WDR59: variants seen among roughly 807,000 people sequenced by gnomAD.
The protein encoded by WDR59 is GATOR2 complex protein WDR59.
Under a neutral mutation model 131.2 loss-of-function variants are expected in WDR59, and 100 were observed. That is an observed-to-expected ratio of 0.76 (90% CI 0.65 to 0.90). WDR59 has a LOEUF of 0.90. Ranked by LOEUF, WDR59 falls within the 40% of genes least tolerant of loss-of-function variation. WDR59 has a pLI of 0.00. For synonymous variants in WDR59, 601 were observed against 466.2 expected (o/e 1.29, Z -3.72); for missense variants, 1,203 against 1,262.2 (o/e 0.95, Z 0.71).
chr16:74,967,031 T>A (rs1013389205), intron 1 of WDR59, among the ~76,000 whole-genome samples: 5 of 152,162 alleles, frequency 3.3e-5, no homozygotes, highest in Admixed American at 3.3e-4. Context: ...TGCTCTAAGT[T>A]CTCTCCAAGA....
intron 20 of WDR59, among the ~76,000 whole-genome samples, chr16:74,891,665 G>T (rs551463395): frequency 2.6e-5 from 4 of 152,358 alleles, no homozygotes; most frequent in African/African-American, 7.2e-5. Flanking sequence ...GCTCACGCCT[G>T]TAATCCCAAC....
chr16:74,887,520 A>G (rs746381544), intron 23 of WDR59, among the ~76,000 whole-genome samples, 163 bp downstream of exon 23: 47 of 152,348 alleles, frequency 3.1e-4, no homozygotes, highest in Non-Finnish European at 5.3e-4. Flanking sequence ...TCTGTTCAAC[A>G]TGCAAAGTCA....
In WDR59 at chr16:74,873,669, A is replaced by G. The variant is rs1964064787; in HGVS notation, c.*540T>C. On this transcript the variant is annotated 3_prime_UTR_variant, in exon 26 of 26. Coordinates refer to ENST00000262144, the MANE Select transcript of WDR59 (RefSeq NM_030581.4). Reference sequence around the variant, plus strand: ...AGAAATAACAAAAAAATACATCTTAAGAATCCTTAAGTACAGTGCATATTT... The same window carrying G: ...AGAAATAACAAAAAAATACATCTTAGGAATCCTTAAGTACAGTGCATATTT... 6.6e-6 allele frequency: 1 copy of G among 152,116 alleles called. No individual in the cohort carries two copies. Among genetic ancestry groups the G allele is most frequent in the African/African-American group, 2.4e-5 (1 of 41,406 alleles). The allele number at this position is 152,116 out of a possible 1,614,324, so 9.4% of individuals were successfully genotyped here.
intron 2 of WDR59, among the ~76,000 whole-genome samples, chr16:74,961,121 C>T (rs1014722286): frequency 6.7e-6 from 1 of 149,400 alleles, no homozygotes; most frequent in African/African-American, 2.5e-5. Flanking sequence ...GCCTAGGCAA[C>T]ACAGGGAGAC....
At chr16:74,956,922 G>A (rs988974216) in intron 2 of WDR59, among the ~76,000 whole-genome samples, 5 of 151,832 alleles carry the variant, frequency 3.3e-5, no homozygotes, top group African/African-American at 1.2e-4. Flanking sequence ...CCCCAGCTAG[G>A]GTTAATTACT....
At position 74,873,113 on chromosome 16, in the gene WDR59, T is replaced by C. The variant is rs1964042318; in HGVS notation, c.*1096A>G. The C allele has an allele frequency of 6.6e-6, 1 of 151,706 alleles. No individual in the cohort carries two copies. Among genetic ancestry groups the C allele is most frequent in the Non-Finnish European group, 1.5e-5 (1 of 67,994 alleles). The allele number at this position is 151,706 out of a possible 1,614,324, so 9.4% of individuals were successfully genotyped here. A position where few individuals can be genotyped will look rare whatever the true frequency, so the allele number is the denominator to read the frequency against. On this transcript the variant is annotated 3_prime_UTR_variant, in exon 26 of 26. Coordinates refer to ENST00000262144, the MANE Select transcript of WDR59 (RefSeq NM_030581.4). ...TTAGTAGAGATGGGGTTTCACCATG[T>C]TGGCCAGGCTAGTCTCGAACTCCTG... is the stretch of plus-strand genomic sequence containing the variant.
intron 4 of WDR59, among the ~76,000 whole-genome samples, chr16:74,950,992 C>CA (rs528212034): frequency 0.033 from 2,461 of 75,262 alleles, 54 homozygotes; most frequent in African/African-American, 0.1. Flanking sequence ...CCTGTCTCCA[C>CA]AAAAAAAAAA....
At chr16:74,943,738 A>AT (rs1337156034) in intron 6 of WDR59, among the ~76,000 whole-genome samples, 4 of 152,186 alleles carry the variant, frequency 2.6e-5, no homozygotes, top group African/African-American at 9.7e-5. Flanking sequence ...GAGGAAGCCC[A>AT]TAGTAGATCC....
At chr16:74,925,297 A>G (rs918984686) in intron 8 of WDR59, among the ~76,000 whole-genome samples, 1 of 152,190 alleles carries the variant, frequency 6.6e-6, no homozygotes, top group Non-Finnish European at 1.5e-5. Context: ...GCACTTTGGG[A>G]GGCCAAGGCA....
intron 10 of WDR59, among the ~76,000 whole-genome samples, chr16:74,919,284 A>G (rs1201109807): frequency 6.7e-6 from 1 of 149,814 alleles, no homozygotes; most frequent in South Asian, 2.1e-4. Context: ...ATGCCACCCT[A>G]TGATCTGGCT....
At chr16:74,923,808 C>T (rs2030498547) in intron 9 of WDR59, 118 bp downstream of exon 9, 4 of 934,422 alleles carry the variant, frequency 4.3e-6, no homozygotes, top group African/African-American at 1.7e-5. Flanking sequence ...CACCACTAAA[C>T]CAACAGAGAA....
At chr16:74,885,966 C>T in intron 24 of WDR59, 171 bp from the exon 25 acceptor site, 2 of 810,498 alleles carry the variant, frequency 2.5e-6, no homozygotes, top group East Asian at 2.8e-5. Context: ...CACTTGAGGT[C>T]AGGAGTTTGA....
At chr16:74,927,587 CAAA>C (rs370386044) in intron 8 of WDR59, among the ~76,000 whole-genome samples, 2 of 57,976 alleles carry the variant, frequency 3.4e-5, no homozygotes, top group Non-Finnish European at 2.8e-5. Context: ...GACTCCATCT[CAAA>C]AAAAAAAAAA....
chr16:74,893,323 G>C (rs1965131278), intron 19 of WDR59, among the ~76,000 whole-genome samples: 1 of 152,152 alleles, frequency 6.6e-6, no homozygotes, highest in Non-Finnish European at 1.5e-5. Flanking sequence ...TTACAGATGA[G>C]TTCTACAGCT....
rs754811818 is a variant in WDR59 at position 74,927,451 on chromosome 16, G to A, written c.652-3448C>T. 2.0e-5 allele frequency among the ~76,000 whole-genome samples: 3 copies of A among 151,982 alleles called. No homozygotes were observed. The South Asian group carries it at 6.2e-4, about 31-fold the overall frequency. ...AAAAATACACAAATTAGCCAGGCAT[G>A]GTGGCACACGCCTGGAGTCCCAGCT... On this transcript the variant is annotated intron_variant, in intron 8 of 25. Coordinates refer to ENST00000262144, the MANE Select transcript of WDR59 (RefSeq NM_030581.4).
In WDR59 at chr16:74,908,892, C is replaced by T; in HGVS notation, c.1712+16G>A. 3.7e-6 allele frequency: 6 copies of T among 1,612,864 alleles called. No homozygotes were observed. The highest frequency in any genetic ancestry group is 5.1e-6 in the Non-Finnish European group (6 of 1,179,160). On this transcript the variant is annotated intron_variant, in intron 17 of 25. Transcript: ENST00000262144. ...CCCCGGGAACGTAGAGCGGCTTCTG[C>T]ATCTCCCTGACTCACCTCGGAGTAG...
At chr16:74,877,605 T>C (rs542160588) in intron 25 of WDR59, among the ~76,000 whole-genome samples, 136 of 152,302 alleles carry the variant, frequency 8.9e-4, no homozygotes, top group Middle Eastern at 3.4e-3. Context: ...AGTGCAATGG[T>C]GCGATCTCAG....
At chr16:74,887,570 G>GA in intron 23 of WDR59, 113 bp downstream of exon 23, 1 of 1,032,870 alleles carries the variant, frequency 9.7e-7, no homozygotes, top group Non-Finnish European at 1.4e-6. Flanking sequence ...TAAATGTAAA[G>GA]AGAAATAAGA....
chr16:74,919,406 C>T (rs1187329221), intron 10 of WDR59, among the ~76,000 whole-genome samples: 1 of 152,002 alleles, frequency 6.6e-6, no homozygotes, highest in Non-Finnish European at 1.5e-5. Flanking sequence ...TCTGAGCTCA[C>T]TGCAACAACC....
Sources: gnomAD v4.1 joint callset for allele counts (sites outside exome capture counted in the v4.1 genomes callset) on GRCh38, gnomAD v4.1.1 for gene constraint, MANE v1.5 for transcripts, NCBI Gene and HGNC (gene_info 2026-07-23, HGNC 2026-07-21) for gene names.